Variants in ZFHX3 observed in about 807,000 individuals in gnomAD.
ZFHX3 encodes the protein zinc finger homeobox 3.
ZFHX3 carries 42 observed loss-of-function variants against 279.1 expected under a neutral mutation model. The ratio of observed to expected loss-of-function variants is 0.15; its 90% CI spans 0.12 to 0.19. The LOEUF (loss-of-function observed/expected upper bound fraction) is 0.19, where lower values mean the gene tolerates loss of function less well. Ranked by LOEUF, ZFHX3 falls within the 10% of genes least tolerant of loss-of-function variation. The pLI is 1.00. For synonymous variants in ZFHX3, 2,293 were observed against 1,957.8 expected, an observed-to-expected ratio of 1.17 and a Z score of -4.52; for missense variants, 4,981 against 4,754.0, an observed-to-expected ratio of 1.05 and a Z score of -1.40.
chr16:73,747,614 G>T (rs2053716012), intron 1 of ZFHX3, among the ~76,000 whole-genome samples: 1 of 152,074 alleles, frequency 6.6e-6, no homozygotes, highest in Non-Finnish European at 1.5e-5. Flanking sequence ...TCTCTATGTT[G>T]ATTAGTCCCA....
intron 3 of ZFHX3, among the ~76,000 whole-genome samples, chr16:73,368,134 G>A (rs2016562738): frequency 6.6e-6 from 1 of 152,162 alleles, no homozygotes. Flanking sequence ...GCCTCCCAAA[G>A]TGCTGGGATT....
chr16:73,297,322 G>T (rs536837528), intron 4 of ZFHX3, among the ~76,000 whole-genome samples: 1 of 151,920 alleles, frequency 6.6e-6, no homozygotes, highest in African/African-American at 2.4e-5. Flanking sequence ...ATAATGAAGA[G>T]CCCTCTTATG....
intron 1 of ZFHX3, among the ~76,000 whole-genome samples, chr16:73,851,176 C>G (rs1961585991): frequency 3.3e-5 from 5 of 152,020 alleles, no homozygotes; most frequent in Admixed American, 3.3e-4. Flanking sequence ...GAACTCAATA[C>G]AGAGGGGGAA....
At chr16:73,127,670 T>C in intron 7 of ZFHX3, 1 of 1,199,366 alleles carries the variant, frequency 8.3e-7, no homozygotes, top group Non-Finnish European at 1.1e-6. Flanking sequence ...AATTAGTTCA[T>C]TTAAAACCCC....
chr16:73,229,214 A>C (rs72797328), intron 5 of ZFHX3, among the ~76,000 whole-genome samples: 1 of 152,246 alleles, frequency 6.6e-6, no homozygotes, highest in Non-Finnish European at 1.5e-5. Flanking sequence ...TCACAGCAAC[A>C]AACTGGGGAT....
intron 3 of ZFHX3, among the ~76,000 whole-genome samples, chr16:73,409,946 G>A (rs1007114686): frequency 6.6e-6 from 1 of 151,654 alleles, no homozygotes; most frequent in African/African-American, 2.4e-5. Flanking sequence ...AAAGAGAGTA[G>A]GTTGATGGTT....
chr16:72,997,413 A>G (rs553675073), intron 1 of ZFHX3, among the ~76,000 whole-genome samples: 1 of 152,022 alleles, frequency 6.6e-6, no homozygotes, highest in African/African-American at 2.4e-5. Context: ...GTCTTGAGTA[A>G]CCACCCTTGC....
At chr16:73,518,001 A>G (rs2019551970) in intron 2 of ZFHX3, among the ~76,000 whole-genome samples, 1 of 152,242 alleles carries the variant, frequency 6.6e-6, no homozygotes, top group Non-Finnish European at 1.5e-5. Context: ...CCAGGTTACT[A>G]TTATTTCAAC....
intron 3 of ZFHX3, among the ~76,000 whole-genome samples, chr16:72,914,895 G>T (rs1350084665): frequency 6.6e-6 from 1 of 152,164 alleles, no homozygotes; most frequent in African/African-American, 2.4e-5. Context: ...GGTGGCTGAG[G>T]CAGGAGAATT....
intron 1 of ZFHX3, among the ~76,000 whole-genome samples, chr16:73,739,199 A>T (rs16972433): frequency 0.015 from 2,334 of 152,280 alleles, 61 homozygotes; most frequent in African/African-American, 0.054. Flanking sequence ...TGCTTTCCTG[A>T]CTAGGCTCTG....
At chr16:72,855,780 A>G (rs1244291930) in intron 4 of ZFHX3, among the ~76,000 whole-genome samples, 1 of 152,154 alleles carries the variant, frequency 6.6e-6, no homozygotes, top group Non-Finnish European at 1.5e-5. Context: ...GAAGCTTACA[A>G]ATTTGACTCA....
intron 2 of ZFHX3, among the ~76,000 whole-genome samples, chr16:73,592,337 C>A (rs1181164914): frequency 6.6e-6 from 1 of 151,932 alleles, no homozygotes; most frequent in Non-Finnish European, 1.5e-5. Context: ...CAGATTTTTT[C>A]TTTAAATAAT....
chr16:73,320,107 C>A (rs1291292802), intron 3 of ZFHX3, among the ~76,000 whole-genome samples: 1 of 152,156 alleles, frequency 6.6e-6, no homozygotes, highest in African/African-American at 2.4e-5. Context: ...GAGGGAAGAA[C>A]CGCAGGGATG....
At chr16:73,038,434 C>A (rs1303406851) in intron 1 of ZFHX3, among the ~76,000 whole-genome samples, 1 of 150,680 alleles carries the variant, frequency 6.6e-6, no homozygotes, top group East Asian at 1.9e-4. Context: ...CAGTAGAAAA[C>A]GACCTGACGT....
At chr16:72,915,469 C>A (rs1242225356) in intron 3 of ZFHX3, among the ~76,000 whole-genome samples, 1 of 152,176 alleles carries the variant, frequency 6.6e-6, no homozygotes, top group Non-Finnish European at 1.5e-5. Context: ...AGAATTGCCA[C>A]CTCTCAAGAC....
intron 3 of ZFHX3, among the ~76,000 whole-genome samples, chr16:72,933,254 A>C (rs138630533): frequency 3.9e-5 from 6 of 152,298 alleles, no homozygotes; most frequent in Middle Eastern, 3.4e-3. Context: ...CTCGTCTGCA[A>C]AAACAGAAAT....
At chr16:73,735,124 G>C (rs2053598889) in intron 1 of ZFHX3, among the ~76,000 whole-genome samples, 1 of 152,108 alleles carries the variant, frequency 6.6e-6, no homozygotes, top group Non-Finnish European at 1.5e-5. Context: ...ACATCGGCAT[G>C]GTTGTGCAGC....
intron 1 of ZFHX3, among the ~76,000 whole-genome samples, chr16:73,774,384 G>A (rs1597109105): frequency 6.6e-6 from 1 of 152,226 alleles, no homozygotes. Context: ...CACCATTGCT[G>A]CCTTCACAGT....
intron 2 of ZFHX3, among the ~76,000 whole-genome samples, chr16:73,640,699 A>G (rs1353927935): frequency 1.4e-5 from 2 of 143,158 alleles, no homozygotes; most frequent in Admixed American, 1.5e-4. Flanking sequence ...CGGAGAATAT[A>G]TCCAGGCAAG....
Sources: allele counts gnomAD v4.1 joint callset (sites outside exome capture counted in the v4.1 genomes callset), GRCh38; gene constraint gnomAD v4.1.1; transcripts MANE v1.5; gene names NCBI Gene and HGNC (gene_info 2026-07-23, HGNC 2026-07-21).